The following ACYP2 variants were observed in gnomAD, a reference collection of about 807,000 sequenced individuals.
ACYP2 encodes acylphosphatase 2.
In ACYP2, 12 loss-of-function variants were observed where a neutral mutation model predicts 11.2. The observed-to-expected ratio is 1.08, with a 90% CI of 0.69 to 1.74. ACYP2 has a LOEUF of 1.74. Among genes scored for constraint, ACYP2 ranks in the 40% most tolerant of loss-of-function variants. The probability of loss-of-function intolerance (pLI) is 0.00; values close to 1 mark genes in which losing one functional copy is unlikely to be tolerated. For synonymous variants in ACYP2, 43 were observed against 32.2 expected, an observed-to-expected ratio of 1.33 and a Z score of -1.13; for missense variants, 134 against 101.9, an observed-to-expected ratio of 1.31 and a Z score of -1.35.
intron 6 of ACYP2, among the ~76,000 whole-genome samples, chr2:54,297,989 A>G (rs1248437154): frequency 6.6e-6 from 1 of 152,230 alleles, no homozygotes; most frequent in Non-Finnish European, 1.5e-5. Flanking sequence ...TGACACAAAC[A>G]CGGACATTTA....
chr2:54,201,700 TTTTTC>T (rs1468301271), intron 6 of ACYP2, among the ~76,000 whole-genome samples: 2 of 126,830 alleles, frequency 1.6e-5, no homozygotes, highest in Non-Finnish European at 3.5e-5. Context: ...CTCTCTCTCT[TTTTTC>T]TTTTCTTTTC....
At chr2:54,001,929 A>G (rs1390590968) in intron 2 of ACYP2, among the ~76,000 whole-genome samples, 1 of 152,160 alleles carries the variant, frequency 6.6e-6, no homozygotes, top group African/African-American at 2.4e-5. Flanking sequence ...GTCCCCACAC[A>G]TGCACAACCT....
intron 6 of ACYP2, among the ~76,000 whole-genome samples, chr2:54,287,481 C>G (rs541055809): frequency 3.3e-5 from 5 of 151,988 alleles, no homozygotes; most frequent in Non-Finnish European, 7.4e-5. Flanking sequence ...ATGGGCCAGC[C>G]TTAGTGACTG....
chr2:54,164,048 G>A (rs61478491), intron 6 of ACYP2, among the ~76,000 whole-genome samples: 1,622 of 152,300 alleles, frequency 0.011, 37 homozygotes, highest in African/African-American at 0.037. Context: ...CTGTCAAATG[G>A]TAAAGAAGCG....
At chr2:54,282,315 C>T (rs59891234) in intron 6 of ACYP2, among the ~76,000 whole-genome samples, 17,158 of 152,186 alleles carry the variant, frequency 0.11, 1,316 homozygotes, top group African/African-American at 0.21. Context: ...CCGTCACGGA[C>T]GATGGGAAAC....
chr2:54,038,347 C>G (rs1675022659), intron 2 of ACYP2, among the ~76,000 whole-genome samples: 1 of 152,092 alleles, frequency 6.6e-6, no homozygotes, highest in Admixed American at 6.6e-5. Flanking sequence ...ACACTGCATA[C>G]TCTTTGTTTT....
Position 54,115,114 on chromosome 2 carries a change from T to C in ACYP2, c.278-20339T>C, listed in dbSNP as rs142322749. 1.2e-3 allele frequency among the ~76,000 whole-genome samples: 180 copies of C among 152,310 alleles called. 1 individual carries two copies. The highest frequency in any genetic ancestry group is 4.2e-3 in the African/African-American group (173 of 41,554). Reference sequence around the variant, plus strand: ...TAGTGTGAATAATAAGTTCTGAAGATCTGTTGTCTAACATGGTGACTGCGA... The same window carrying C: ...TAGTGTGAATAATAAGTTCTGAAGACCTGTTGTCTAACATGGTGACTGCGA... On this transcript the variant is annotated intron_variant, in intron 4 of 6. Transcript: ENST00000607452.
intron 6 of ACYP2, among the ~76,000 whole-genome samples, chr2:54,150,387 T>C (rs912094169): frequency 1.3e-5 from 2 of 152,182 alleles, no homozygotes; most frequent in Admixed American, 1.3e-4. Context: ...TCCTCTGAGG[T>C]CCTGTCCAGC....
intron 6 of ACYP2, among the ~76,000 whole-genome samples, chr2:54,225,645 G>A (rs1685983785): frequency 6.6e-6 from 1 of 152,128 alleles, no homozygotes; most frequent in African/African-American, 2.4e-5. Context: ...GTATTCAAAA[G>A]TTGAATTGCT....
At chr2:54,295,999 G>A (rs569633570) in intron 6 of ACYP2, among the ~76,000 whole-genome samples, 1 of 152,004 alleles carries the variant, frequency 6.6e-6, no homozygotes, top group Non-Finnish European at 1.5e-5. Context: ...GGCCTCAAGT[G>A]ATCTGCCACT....
At chr2:54,138,847 C>T in intron 6 of ACYP2, 99 bp downstream of exon 3, 1 of 919,618 alleles carries the variant, frequency 1.1e-6, no homozygotes, top group Non-Finnish European at 1.7e-6. Context: ...GGTTGGAGTG[C>T]AGTGGCACAA....
intron 2 of ACYP2, among the ~76,000 whole-genome samples, chr2:54,039,608 G>T (rs1405156089): frequency 6.6e-6 from 1 of 151,582 alleles, no homozygotes; most frequent in Admixed American, 6.6e-5. Flanking sequence ...TGTATTTTTG[G>T]TAGAGATGGG....
chr2:54,255,450 A>G, intron 6 of ACYP2: 1 of 1,614,022 alleles, frequency 6.2e-7, no homozygotes, highest in South Asian at 1.1e-5. Flanking sequence ...GGTAGTATTC[A>G]TGAATCTGCC....
intron 6 of ACYP2, among the ~76,000 whole-genome samples, chr2:54,219,903 ATAT>A (rs1221941249): frequency 9.6e-4 from 96 of 100,440 alleles, no homozygotes; most frequent in African/African-American, 3.4e-3. Flanking sequence ...ATATATATAT[ATAT>A]TTTTTTTTTT....
chr2:54,091,407 A>G (rs1182297749), intron 4 of ACYP2, among the ~76,000 whole-genome samples: 3 of 151,882 alleles, frequency 2.0e-5, no homozygotes, highest in African/African-American at 7.3e-5. Flanking sequence ...CAAAAGGGCT[A>G]TTTTTTTCTT....
At chr2:54,279,996 T>C (rs886304484) in intron 6 of ACYP2, among the ~76,000 whole-genome samples, 3 of 152,166 alleles carry the variant, frequency 2.0e-5, no homozygotes, top group African/African-American at 7.2e-5. Flanking sequence ...ACAGGGAAGA[T>C]AAATGCAAGT....
intron 6 of ACYP2, among the ~76,000 whole-genome samples, chr2:54,288,873 T>C (rs750675097): frequency 6.6e-6 from 1 of 151,970 alleles, no homozygotes; most frequent in Non-Finnish European, 1.5e-5. Context: ...AAACTGCACT[T>C]TGTAGACCCA....
At chr2:54,204,136 A>C (rs1684973342) in intron 6 of ACYP2, among the ~76,000 whole-genome samples, 1 of 152,098 alleles carries the variant, frequency 6.6e-6, no homozygotes, top group Non-Finnish European at 1.5e-5. Context: ...CTGGGACTAC[A>C]GGCATGTGCC....
intron 4 of ACYP2, among the ~76,000 whole-genome samples, chr2:54,061,582 G>A (rs1308438226): frequency 6.6e-6 from 1 of 152,154 alleles, no homozygotes; most frequent in Non-Finnish European, 1.5e-5. Flanking sequence ...ACTCTGATTG[G>A]CTTTAGCATA....
Sources: gnomAD v4.1 joint callset for allele counts (sites outside exome capture counted in the v4.1 genomes callset) on GRCh38, gnomAD v4.1.1 for gene constraint, MANE v1.5 for transcripts, NCBI Gene and HGNC (gene_info 2026-07-23, HGNC 2026-07-21) for gene names.